The following MAPK12 variants were observed in gnomAD, a reference collection of about 807,000 sequenced individuals.
MAPK12 encodes the protein MAP kinase 12.
Under a neutral mutation model 49.1 loss-of-function variants are expected in MAPK12, and 49 were observed. That is an observed-to-expected ratio of 1.00 (90% confidence interval 0.79 to 1.27). MAPK12 has a LOEUF of 1.27. Ranked by LOEUF, MAPK12 falls within the 50% of genes most tolerant of loss-of-function variation. MAPK12 has a pLI of 0.00. For missense variants in MAPK12, 554 were observed against 502.4 expected (o/e 1.10, Z -0.98); for synonymous variants, 251 against 209.7 (o/e 1.20, Z -1.70).
rs1569141326 is a variant in MAPK12 at position 50,255,237 on chromosome 22, GTCA to G, written c.981_983del (p.Asp328del). ...GTGTGCGGTCAACGTCGTCAAAGGA[GTCA>G]TCATACTTCTGGACCTGGGGCTCAT... On this transcript the variant is annotated inframe_deletion, in exon 11 of 12. Transcript: ENST00000215659. 1.2e-6 allele frequency: 2 copies of G among 1,613,988 alleles called. No homozygotes were observed. Among genetic ancestry groups the G allele is most frequent in the Non-Finnish European group, 8.5e-7 (1 of 1,180,012 alleles).
intron 5 of MAPK12, 87 bp downstream of exon 5, chr22:50,256,848 C>G: frequency 6.4e-7 from 1 of 1,558,674 alleles, no homozygotes; most frequent in Admixed American, 1.9e-5. Flanking sequence ...AGCACCCAGA[C>G]CCCATCACAT....
intron 6 of MAPK12, 52 bp downstream of exon 6, chr22:50,256,547 T>G: frequency 6.3e-7 from 1 of 1,588,970 alleles, no homozygotes; most frequent in Non-Finnish European, 8.6e-7. Flanking sequence ...GATGGGCAGA[T>G]CCAGAGGGGG....
chr22:50,257,056 C>T lies in MAPK12; in HGVS notation c.426+26G>A, dbSNP rs1488461662. The stretch of plus-strand genomic sequence containing the variant: ...CCAGCCCCGAGGCCCTGCCTGCCTC[C>T]CTGCAGCCTCCCCCGGGGCCCGTAC... On this transcript the variant is annotated intron_variant, in intron 4 of 11. Coordinates refer to ENST00000215659, the MANE Select transcript of MAPK12 (RefSeq NM_002969.6). 1.9e-6 allele frequency: 3 copies of T among 1,608,414 alleles called. No individual in the cohort carries two copies. The African/African-American group carries it at 4.0e-5, about 21-fold the overall frequency.
At position 50,261,575 on chromosome 22, in the gene MAPK12, C is replaced by T; in HGVS notation, c.-66G>A. On this transcript the variant is annotated 5_prime_UTR_variant, in exon 1 of 12. Coordinates refer to ENST00000215659, the MANE Select transcript of MAPK12 (RefSeq NM_002969.6). ...GGTGCCCCCACGACCGGGGACGGGG[C>T]TCCCTCGGCGCGCGCCTCGGGCCGG... The T allele has an allele frequency of 9.8e-7, 1 of 1,024,052 alleles. No individual in the cohort carries two copies. Among genetic ancestry groups the T allele is most frequent in the South Asian group, 4.4e-5 (1 of 22,608 alleles). 63.4% of individuals were successfully genotyped at this position (1,024,052 alleles called of 1,614,324 possible).
At position 50,255,636 on chromosome 22, in the gene MAPK12, C is replaced by T. The variant is rs2066774; in HGVS notation, c.750G>A (p.Val250=). 4,090 of 1,611,430 alleles carry T rather than the reference C, an allele frequency of 2.5e-3. 123 individuals are homozygous for T. In the South Asian group the frequency reaches 0.042, roughly 17 times the overall value. The change falls in exon 9 of 12, where the codon GTG becomes GTA. Residue 250 remains valine, a synonymous_variant. Coordinates refer to ENST00000215659, the MANE Select transcript of MAPK12 (RefSeq NM_002969.6). The part of the protein sequence containing the change: ...KVTGTPPAEF[V]QRLQSDEAKN... Reference sequence around the variant, plus strand: ...TTACCTCATCGCTCTGCAGCCGCTGCACAAACTCAGCCGGAGGCGTCCCCG... The same window carrying T: ...TTACCTCATCGCTCTGCAGCCGCTGTACAAACTCAGCCGGAGGCGTCCCCG...
At position 50,253,416 on chromosome 22, in the gene MAPK12, C is replaced by A; in HGVS notation, c.1089G>T (p.Lys363Asn). 6.5e-7 allele frequency: 1 copy of A among 1,539,388 alleles called. No individual in the cohort carries two copies. Among genetic ancestry groups the A allele is most frequent in the Non-Finnish European group, 8.7e-7 (1 of 1,142,914 alleles). ...PPRQLGARVS[K>N]ETPL The stretch of plus-strand genomic sequence containing the variant: ...CCAGAGATCTTCACAGAGGCGTCTC[C>A]TTGGAGACCCTGGCCCCCAGCTGCC... The change falls in exon 12 of 12, where the codon AAG becomes AAT. Residue 363 changes from lysine (K) to asparagine (N), a missense_variant. Lys to Asn is a moderately conservative substitution (Grantham distance 94). Coordinates refer to ENST00000215659, the MANE Select transcript of MAPK12 (RefSeq NM_002969.6).
chr22:50,253,602 G>A (rs770422447), intron 11 of MAPK12, 122 bp from the exon 12 acceptor site: 3 of 653,210 alleles, frequency 4.6e-6, no homozygotes, highest in Non-Finnish European at 8.4e-6. Context: ...TCCTAATGTG[G>A]TCTGAACCAC....
Position 50,255,249 on chromosome 22 carries a change from C to T in MAPK12, c.972G>A (p.Gln324=). The T allele has an allele frequency of 6.2e-7, 1 of 1,613,990 alleles. No homozygotes were observed. Among genetic ancestry groups the T allele is most frequent in the East Asian group, 2.2e-5 (1 of 44,878 alleles). Residue 324 remains glutamine (Q), a synonymous_variant, in exon 11 of 12, where the codon CAG becomes CAA. Coordinates refer to ENST00000215659, the MANE Select transcript of MAPK12 (RefSeq NM_002969.6). Reference sequence around the variant, plus strand: ...CGTCGTCAAAGGAGTCATCATACTTCTGGACCTGGGGCTCATCTTCCGTGT... The same window carrying T: ...CGTCGTCAAAGGAGTCATCATACTTTTGGACCTGGGGCTCATCTTCCGTGT... ...LHDTEDEPQV[Q]KYDDSFDDVD...
At position 50,256,410 on chromosome 22, in the gene MAPK12, C is replaced by T. The variant is rs552288281; in HGVS notation, c.504+189G>A. The stretch of plus-strand genomic sequence containing the variant: ...GCACCAAGCCCAGCAGCCCTCGGGA[C>T]GGAGCAGGTGCCCTGGGTACGGCAT... On this transcript the variant is annotated intron_variant, in intron 6 of 11. Transcript: ENST00000215659. 9.8e-5 allele frequency among the ~76,000 whole-genome samples: 15 copies of T among 152,354 alleles called. No individual in the cohort carries two copies. In the East Asian group the frequency reaches 1.3e-3, roughly 14 times the overall value.
chr22:50,259,269 T>G (rs903249811), intron 2 of MAPK12, among the ~76,000 whole-genome samples: 2 of 151,944 alleles, frequency 1.3e-5, no homozygotes, highest in African/African-American at 4.8e-5. Context: ...CAGCGGGGAC[T>G]GTGGACATGA....
intron 8 of MAPK12, 43 bp from the exon 9 acceptor site, chr22:50,255,737 G>GGCCCCCACT: frequency 1.2e-6 from 2 of 1,609,770 alleles, no homozygotes; most frequent in Non-Finnish European, 1.7e-6. Context: ...CAGAGATCAG[G>GGCCCCCACT]GCCCCCACTG....
intron 3 of MAPK12, 123 bp from the exon 4 acceptor site, chr22:50,257,316 C>G: frequency 1.4e-6 from 1 of 694,552 alleles, no homozygotes; most frequent in South Asian, 1.6e-5. Flanking sequence ...AAGGTCACCC[C>G]TGCAGCACAC....
chr22:50,257,705 T>A, intron 3 of MAPK12: 1 of 615,618 alleles, frequency 1.6e-6, no homozygotes, highest in African/African-American at 1.8e-5. Context: ...TTTAGCACCT[T>A]CCCAGAGGCC....
At chr22:50,253,502 G>GGGGGGGGCGCA in intron 11 of MAPK12, 22 bp from the exon 12 acceptor site, 1 of 171,686 alleles carries the variant, frequency 5.8e-6, no homozygotes, top group Non-Finnish European at 1.1e-5. Flanking sequence ...GGGGGGGCGG[G>GGGGGGGGCGCA]CACAACAGAG....
At chr22:50,254,536 C>T (rs1279156021) in intron 11 of MAPK12, 4 of 556,712 alleles carry the variant, frequency 7.2e-6, no homozygotes, top group Non-Finnish European at 9.1e-6. Context: ...CCTGTAGTCC[C>T]GGCTACTCGG....
At chr22:50,256,509 C>T (rs2065151668) in intron 6 of MAPK12, 90 bp downstream of exon 6, 1 of 1,499,572 alleles carries the variant, frequency 6.7e-7, no homozygotes, top group East Asian at 2.3e-5. Context: ...GGGACCTTGG[C>T]CCCCTGCCCA....
At chr22:50,256,745 GC>G in intron 5 of MAPK12, 99 bp from the exon 6 acceptor site, 2 of 1,529,152 alleles carry the variant, frequency 1.3e-6, no homozygotes, top group Non-Finnish European at 1.8e-6. Flanking sequence ...ACCGGACCTG[GC>G]CCCCTTGCTC....
chr22:50,257,632 C>G (rs1014186968), intron 3 of MAPK12: 66 of 574,508 alleles, frequency 1.1e-4, no homozygotes, highest in Admixed American at 9.0e-4. Flanking sequence ...GATGGGGGCG[C>G]GGCAAGGCAT....
intron 11 of MAPK12, 46 bp downstream of exon 11, chr22:50,255,151 C>G: frequency 6.2e-7 from 1 of 1,608,760 alleles, no homozygotes; most frequent in Non-Finnish European, 8.5e-7. Context: ...TGCCCAGAGC[C>G]CCCCACTTGG....
Sources: gnomAD v4.1 joint callset for allele counts (sites outside exome capture counted in the v4.1 genomes callset) on GRCh38, gnomAD v4.1.1 for gene constraint, MANE v1.5 for transcripts, NCBI Gene and HGNC (gene_info 2026-07-23, HGNC 2026-07-21) for gene names.